The following ZNF284 variants were observed in gnomAD, a reference collection of about 807,000 sequenced individuals.
The protein encoded by ZNF284 is zinc finger protein 284.
ZNF284 carries 12 observed loss-of-function variants against 12.9 expected under a neutral mutation model. The observed-to-expected ratio is 0.93, with a 90% CI of 0.60 to 1.51. ZNF284 has a LOEUF of 1.51. Among genes scored for constraint, ZNF284 ranks in the 40% most tolerant of loss-of-function variants. The pLI is 0.00. For synonymous variants in ZNF284, 225 were observed against 236.5 expected (o/e 0.95, Z 0.45); for missense variants, 667 against 707.3 (o/e 0.94, Z 0.65).
intron 4 of ZNF284, among the ~76,000 whole-genome samples, chr19:44,082,883 G>A (rs1349829393): frequency 6.6e-6 from 1 of 152,086 alleles, no homozygotes; most frequent in East Asian, 1.9e-4. Flanking sequence ...CTCTTTAGCT[G>A]ACTAGTGACC....
intron 1 of ZNF284, among the ~76,000 whole-genome samples, chr19:44,072,721 C>A (rs1448104566): frequency 6.6e-6 from 1 of 152,232 alleles, no homozygotes; most frequent in Non-Finnish European, 1.5e-5. Context: ...CAGGGATCCC[C>A]GCCCTTGTCT....
At chr19:44,081,164 A>G (rs965682774) in intron 3 of ZNF284, 23 bp downstream of exon 3, 4 of 1,601,144 alleles carry the variant, frequency 2.5e-6, no homozygotes, top group Non-Finnish European at 3.4e-6. Context: ...ACCCTCTGTA[A>G]TGGAACATCA....
intron 4 of ZNF284, among the ~76,000 whole-genome samples, chr19:44,083,474 T>TATAGAGAGAGAGAGAG (rs746837013): frequency 4.6e-5 from 3 of 64,924 alleles, no homozygotes; most frequent in South Asian, 6.8e-4. Flanking sequence ...TATATATATA[T>TATAGAGAGAGAGAGAG]AGAGAGAGAG....
intron 1 of ZNF284, among the ~76,000 whole-genome samples, chr19:44,073,306 A>G (rs1966976247): frequency 6.6e-6 from 1 of 152,152 alleles, no homozygotes; most frequent in African/African-American, 2.4e-5. Flanking sequence ...CTAGTGGGGA[A>G]AGCAAGCTAG....
Position 44,079,137 on chromosome 19 carries a change from G to A in ZNF284, c.16-1878G>A, listed in dbSNP as rs183397212. Among the ~76,000 whole-genome samples the A allele has an allele frequency of 2.6e-3, 397 of 152,124 alleles. 1 individual carries two copies. The highest frequency in any genetic ancestry group is 4.8e-3 in the Non-Finnish European group (327 of 67,998). Reference sequence around the variant, plus strand: ...ACGGGAGAGTAAGGTCCACATACATGATTTTCTTTGCAGGATTGGTATTAA... The same window carrying A: ...ACGGGAGAGTAAGGTCCACATACATAATTTTCTTTGCAGGATTGGTATTAA... On this transcript the variant is annotated intron_variant, in intron 2 of 4. Transcript: ENST00000421176.
chr19:44,085,634 G>A, intron 4 of ZNF284, 80 bp from the exon 5 acceptor site: 1 of 1,260,924 alleles, frequency 7.9e-7, no homozygotes, highest in African/African-American at 1.5e-5. Context: ...TAAAGTTTCA[G>A]GCCATGTCCT....
At chr19:44,077,847 C>CT (rs973982883) in intron 2 of ZNF284, among the ~76,000 whole-genome samples, 1 of 152,094 alleles carries the variant, frequency 6.6e-6, no homozygotes, top group African/African-American at 2.4e-5. Context: ...GGAGTGCCCT[C>CT]TTGAGTGATG....
At chr19:44,081,720 AC>A (rs1203663946) in intron 3 of ZNF284, among the ~76,000 whole-genome samples, 1 of 151,836 alleles carries the variant, frequency 6.6e-6, no homozygotes, top group Non-Finnish European at 1.5e-5. Flanking sequence ...TCAAAAAAAA[AC>A]AAAAACAAAA....
chr19:44,076,073 G>T (rs1236822443), intron 1 of ZNF284, among the ~76,000 whole-genome samples: 5 of 152,072 alleles, frequency 3.3e-5, no homozygotes, highest in Admixed American at 3.3e-4. Context: ...GTTCATGCAT[G>T]TTGTAGCATG....
chr19:44,073,541 G>C (rs1489047181), intron 1 of ZNF284, among the ~76,000 whole-genome samples: 3 of 134,880 alleles, frequency 2.2e-5, no homozygotes, highest in Non-Finnish European at 5.0e-5. Flanking sequence ...TAAACTTCGA[G>C]TGCATTTTTT....
intron 2 of ZNF284, among the ~76,000 whole-genome samples, chr19:44,076,711 C>CTGTATT (rs1967033162): frequency 6.6e-6 from 1 of 151,934 alleles, no homozygotes; most frequent in African/African-American, 2.4e-5. Context: ...ATATTCATAA[C>CTGTATT]TGTATTTGTA....
intron 2 of ZNF284, among the ~76,000 whole-genome samples, chr19:44,078,599 C>T (rs1236115705): frequency 2.6e-5 from 4 of 151,966 alleles, no homozygotes; most frequent in African/African-American, 7.3e-5. Flanking sequence ...GTAGCTAGGA[C>T]TACGGGCACG....
intron 3 of ZNF284, among the ~76,000 whole-genome samples, chr19:44,081,580 C>T (rs540737385): frequency 9.9e-5 from 15 of 152,042 alleles, no homozygotes; most frequent in Middle Eastern, 3.4e-3. Flanking sequence ...GGCGTGGTGG[C>T]GGGCGTCTGT....
At position 44,087,287 on chromosome 19, in the gene ZNF284, C is replaced by A; in HGVS notation, c.*27C>A. On this transcript the variant is annotated 3_prime_UTR_variant, in exon 5 of 5. Coordinates refer to ENST00000421176, the MANE Select transcript of ZNF284 (RefSeq NM_001037813.4). ...TATTGTCCATATTTATGGGTTACAG[C>A]ATATTTCAATACATGTATACAATGT... is the stretch of plus-strand genomic sequence containing the variant. 2.1e-6 allele frequency: 3 copies of A among 1,438,032 alleles called. No individual in the cohort carries two copies. The highest frequency in any genetic ancestry group is 2.3e-5 in the Admixed American group (1 of 42,802). 89.1% of individuals were successfully genotyped at this position (1,438,032 alleles called of 1,614,324 possible).
rs746837013 is a variant in ZNF284 at position 44,083,474 on chromosome 19, T to TATATATAG, written c.235+1370_235+1371insTATATAGA. Among the ~76,000 whole-genome samples, 108 of 64,890 alleles carry TATATATAG rather than the reference T, an allele frequency of 1.7e-3. 1 individual carries two copies. The highest frequency in any genetic ancestry group is 3.6e-3 in the African/African-American group (72 of 20,176). The allele number at this position is 64,890 out of a possible 152,430, so 42.6% of individuals were successfully genotyped here. On this transcript the variant is annotated intron_variant, in intron 4 of 4. Transcript: ENST00000421176. ...AAATATATATATATATATATATATA[T>TATATATAG]AGAGAGAGAGAGAGAGAGAGAGAGA...
rs1967248135 is a variant in ZNF284, at chr19:44,086,419, C to A, written c.941C>A (p.Ser314Ter). Reference protein sequence around the residue: ...RHSMVHMQEKSFRCDTCSNSF... With the variant: ...RHSMVHMQEK ...TCCATGGTCCACATGCAAGAGAAAT[C>A]ATTTAGATGTGATACCTGTAGTAAT... Residue 314 changes from serine to a stop codon, truncating the protein, a stop_gained, in exon 5 of 5, where the codon TCA (serine) becomes TAA (stop). Coordinates refer to ENST00000421176, the MANE Select transcript of ZNF284 (RefSeq NM_001037813.4). LOFTEE classifies it low-confidence loss of function (END_TRUNC). 6.2e-7 allele frequency: 1 copy of A among 1,613,986 alleles called. No homozygotes were observed. The highest frequency in any genetic ancestry group is 8.5e-7 in the Non-Finnish European group (1 of 1,179,924).
Position 44,083,472 on chromosome 19 carries a change from T to TAGAGAG in ZNF284, c.235+1368_235+1369insGAGAGA, listed in dbSNP as rs1435032212. On this transcript the variant is annotated intron_variant, in intron 4 of 4. Coordinates refer to ENST00000421176, the MANE Select transcript of ZNF284 (RefSeq NM_001037813.4). Reference sequence around the variant, plus strand: ...AGAAATATATATATATATATATATATATAGAGAGAGAGAGAGAGAGAGAGA... The same window carrying TAGAGAG: ...AGAAATATATATATATATATATATATAGAGAGATAGAGAGAGAGAGAGAGAGAGAGA... Among the ~76,000 whole-genome samples, 246 of 64,572 alleles carry TAGAGAG rather than the reference T, an allele frequency of 3.8e-3. 4 individuals carry two copies. Among genetic ancestry groups the TAGAGAG allele is most frequent in the African/African-American group, 8.0e-3 (155 of 19,316 alleles). 42.4% of individuals were successfully genotyped at this position (64,572 alleles called of 152,430 possible).
At position 44,086,816 on chromosome 19, in the gene ZNF284, G is replaced by T; in HGVS notation, c.1338G>T (p.Gln446His). The change falls in exon 5 of 5, where the codon CAG becomes CAT. Residue 446 changes from glutamine to histidine, a missense_variant. Gln to His is a conservative substitution (Grantham distance 24). Coordinates refer to ENST00000421176, the MANE Select transcript of ZNF284 (RefSeq NM_001037813.4). ...YISKFNLDLH[Q>H]RVHTGERPYN... ...GTAAGTTTAATCTTGACTTGCACCA[G>T]AGGGTCCACACGGGAGAGAGACCTT... 6.2e-7 allele frequency: 1 copy of T among 1,614,164 alleles called. No individual in the cohort carries two copies. Among genetic ancestry groups the T allele is most frequent in the Non-Finnish European group, 8.5e-7 (1 of 1,180,036 alleles).
At chr19:44,079,601 C>T (rs1019631622) in intron 2 of ZNF284, among the ~76,000 whole-genome samples, 1 of 151,274 alleles carries the variant, frequency 6.6e-6, no homozygotes, top group South Asian at 2.1e-4. Flanking sequence ...CCCAGCTACT[C>T]GGGAGGCTGA....
Sources: gnomAD v4.1 joint callset for allele counts (sites outside exome capture counted in the v4.1 genomes callset) on GRCh38, gnomAD v4.1.1 for gene constraint, MANE v1.5 for transcripts, NCBI Gene and HGNC (gene_info 2026-07-23, HGNC 2026-07-21) for gene names.